Variants in NALF1 observed in about 807,000 individuals in gnomAD.
NALF1 encodes NALCN channel auxiliary factor 1, also known as family with sequence similarity 155 member A.
NALF1 carries 3 observed loss-of-function variants against 48.4 expected under a neutral mutation model. The observed-to-expected ratio is 0.06, with a 90% CI of 0.03 to 0.16. NALF1 has a LOEUF of 0.16. Among genes scored for constraint, NALF1 ranks in the 10% least tolerant of loss-of-function variants. The pLI, the probability that NALF1 is intolerant of heterozygous loss-of-function variation, is 1.00. For synonymous variants in NALF1, 262 were observed against 245.7 expected (o/e 1.07, Z -0.62); for missense variants, 526 against 571.5 (o/e 0.92, Z 0.81).
chr13:107,852,749 A>G (rs2138643644), intron 1 of NALF1, among the ~76,000 whole-genome samples: 1 of 152,288 alleles, frequency 6.6e-6, no homozygotes, highest in South Asian at 2.1e-4. Flanking sequence ...ATTTTTCTTA[A>G]GTTTCCACAT....
At chr13:107,283,793 C>G (rs4126506) in intron 1 of NALF1, among the ~76,000 whole-genome samples, 54,486 of 151,342 alleles carry the variant, frequency 0.36, 10,965 homozygotes, top group South Asian at 0.57. Flanking sequence ...CTGAGTAGCT[C>G]GGACTACAGG....
chr13:107,853,447 T>TCA (rs1326328243), intron 1 of NALF1, among the ~76,000 whole-genome samples: 1 of 152,184 alleles, frequency 6.6e-6, no homozygotes, highest in Non-Finnish European at 1.5e-5. Context: ...GTGGACACAG[T>TCA]CAAAAAGGGA....
chr13:107,547,220 G>C (rs1297833031), intron 1 of NALF1, among the ~76,000 whole-genome samples: 1 of 152,084 alleles, frequency 6.6e-6, no homozygotes, highest in Non-Finnish European at 1.5e-5. Context: ...ATAATAACAT[G>C]ATTTCTAATA....
At chr13:107,851,322 A>G (rs1880308167) in intron 1 of NALF1, among the ~76,000 whole-genome samples, 1 of 151,918 alleles carries the variant, frequency 6.6e-6, no homozygotes, top group South Asian at 2.1e-4. Flanking sequence ...GCACATCTGG[A>G]AAAGTTCACA....
At chr13:107,661,949 T>G (rs1413381409) in intron 1 of NALF1, among the ~76,000 whole-genome samples, 5 of 152,196 alleles carry the variant, frequency 3.3e-5, no homozygotes, top group African/African-American at 1.2e-4. Context: ...TTTATTTCTA[T>G]GGCTAAAATC....
intron 1 of NALF1, among the ~76,000 whole-genome samples, chr13:107,645,966 G>A (rs751461256): frequency 2.0e-5 from 3 of 152,224 alleles, no homozygotes; most frequent in South Asian, 2.1e-4. Flanking sequence ...CTCAACCTGA[G>A]TTCTGGGAGT....
intron 1 of NALF1, among the ~76,000 whole-genome samples, chr13:107,219,538 A>G (rs1440153754): frequency 6.6e-6 from 1 of 152,210 alleles, no homozygotes; most frequent in Non-Finnish European, 1.5e-5. Context: ...GGGATAATAT[A>G]TTCACCAAGG....
At position 107,174,874 on chromosome 13, in the gene NALF1, CTTTTCT is replaced by C. The variant is rs898798272; in HGVS notation, c.1088-4094_1088-4089del. Among the ~76,000 whole-genome samples, 10 of 151,130 alleles carry C rather than the reference CTTTTCT, an allele frequency of 6.6e-5. No individual in the cohort carries two copies. In the East Asian group the frequency reaches 7.9e-4, roughly 12 times the overall value. On this transcript the variant is annotated intron_variant, in intron 2 of 2. Transcript: ENST00000375915. ...TCCTACTGTTGCTCAGATCAACAAT[CTTTTCT>C]TTTTCTTTTTCTTTTTTTTTTGAGA...
chr13:107,411,283 G>A (rs1018366646), intron 1 of NALF1, among the ~76,000 whole-genome samples: 3 of 149,308 alleles, frequency 2.0e-5, no homozygotes, highest in Middle Eastern at 3.2e-3. Context: ...ACAGGCTGAA[G>A]GTGAAATGTA....
At chr13:107,520,232 G>T (rs1166393790) in intron 1 of NALF1, among the ~76,000 whole-genome samples, 2 of 152,126 alleles carry the variant, frequency 1.3e-5, no homozygotes, top group East Asian at 1.9e-4. Context: ...AAAATGATCA[G>T]TTGCTAAAGG....
chr13:107,816,745 T>TA (rs1330387636), intron 1 of NALF1, among the ~76,000 whole-genome samples: 28 of 151,162 alleles, frequency 1.9e-4, no homozygotes, highest in East Asian at 3.9e-4. Flanking sequence ...CGTATTGCAT[T>TA]AAAAAAAAAC....
intron 1 of NALF1, among the ~76,000 whole-genome samples, chr13:107,704,610 T>C (rs2138514075): frequency 6.6e-6 from 1 of 152,220 alleles, no homozygotes; most frequent in South Asian, 2.1e-4. Flanking sequence ...CACTCCAGTC[T>C]CAGTATCTTT....
At chr13:107,526,112 T>G (rs962148489) in intron 1 of NALF1, among the ~76,000 whole-genome samples, 1 of 152,148 alleles carries the variant, frequency 6.6e-6, no homozygotes, top group African/African-American at 2.4e-5. Flanking sequence ...AGTTGATGGT[T>G]TGTCACTTTA....
At chr13:107,582,972 T>A (rs1253202241) in intron 1 of NALF1, among the ~76,000 whole-genome samples, 1 of 152,162 alleles carries the variant, frequency 6.6e-6, no homozygotes, top group East Asian at 1.9e-4. Flanking sequence ...ATATCACCTT[T>A]TCCCCCCTCT....
intron 1 of NALF1, among the ~76,000 whole-genome samples, chr13:107,596,059 T>G (rs1878736561): frequency 6.6e-6 from 1 of 152,148 alleles, no homozygotes; most frequent in African/African-American, 2.4e-5. Context: ...GTATCAGTCT[T>G]CGAGGGCAAT....
intron 1 of NALF1, among the ~76,000 whole-genome samples, chr13:107,234,333 C>T (rs1880292608): frequency 6.6e-6 from 1 of 152,170 alleles, no homozygotes; most frequent in Non-Finnish European, 1.5e-5. Flanking sequence ...GTGACTTTGC[C>T]TGCTTTCCCC....
intron 1 of NALF1, among the ~76,000 whole-genome samples, chr13:107,771,929 G>A (rs1877589095): frequency 2.0e-5 from 3 of 152,036 alleles, no homozygotes; most frequent in African/African-American, 7.2e-5. Context: ...TAGAGACAGG[G>A]TCTCACCATG....
At chr13:107,476,806 C>A (rs535265869) in intron 1 of NALF1, among the ~76,000 whole-genome samples, 1 of 152,004 alleles carries the variant, frequency 6.6e-6, no homozygotes, top group East Asian at 1.9e-4. Context: ...ACCACAGAGA[C>A]CCTCTGCTGG....
chr13:107,624,840 G>C (rs1879624472), intron 1 of NALF1, among the ~76,000 whole-genome samples: 1 of 152,198 alleles, frequency 6.6e-6, no homozygotes, highest in South Asian at 2.1e-4. Flanking sequence ...GGTGCAGAAA[G>C]AGATATGAGA....
Sources: gnomAD v4.1 joint callset for allele counts (sites outside exome capture counted in the v4.1 genomes callset) on GRCh38, gnomAD v4.1.1 for gene constraint, MANE v1.5 for transcripts, NCBI Gene and HGNC (gene_info 2026-07-23, HGNC 2026-07-21) for gene names.